ROBO1: variants seen among roughly 807,000 people sequenced by gnomAD.
ROBO1 encodes roundabout guidance receptor 1, also known as roundabout homolog 1.
Under a neutral mutation model 195.9 loss-of-function variants are expected in ROBO1, and 149 were observed. That is an observed-to-expected ratio of 0.76 (90% CI 0.67 to 0.87). The LOEUF (loss-of-function observed/expected upper bound fraction) is 0.87, where lower values mean the gene tolerates loss of function less well. ROBO1 is among the 40% of genes least tolerant of loss of function. The probability of loss-of-function intolerance (pLI) is 0.00; values close to 1 mark genes in which losing one functional copy is unlikely to be tolerated. For missense variants in ROBO1, 1,933 were observed against 2,068.3 expected (o/e 0.93, Z 1.27); for synonymous variants, 816 against 733.2 (o/e 1.11, Z -1.82).
At chr3:78,727,127 G>C (rs2082179875) in intron 5 of ROBO1, among the ~76,000 whole-genome samples, 1 of 151,938 alleles carries the variant, frequency 6.6e-6, no homozygotes, top group Non-Finnish European at 1.5e-5. Flanking sequence ...AACATTGCTA[G>C]TACCATAATT....
At chr3:79,354,141 C>T (rs980964804) in intron 2 of ROBO1, among the ~76,000 whole-genome samples, 1 of 152,138 alleles carries the variant, frequency 6.6e-6, no homozygotes, top group African/African-American at 2.4e-5. Flanking sequence ...ACTGAAACTG[C>T]TGCTACTTCT....
intron 2 of ROBO1, among the ~76,000 whole-genome samples, chr3:79,585,402 C>T (rs1345722459): frequency 6.6e-6 from 1 of 151,930 alleles, no homozygotes; most frequent in Non-Finnish European, 1.5e-5. Flanking sequence ...CTTATTAGTT[C>T]AGTGGCTTTG....
intron 3 of ROBO1, among the ~76,000 whole-genome samples, chr3:79,022,502 A>G (rs1460592149): frequency 6.6e-6 from 1 of 152,194 alleles, no homozygotes; most frequent in Non-Finnish European, 1.5e-5. Context: ...CTGAACTTTA[A>G]ATTACCCAGA....
intron 4 of ROBO1, among the ~76,000 whole-genome samples, chr3:78,929,695 G>A (rs1344012719): frequency 6.6e-6 from 1 of 151,376 alleles, no homozygotes; most frequent in African/African-American, 2.4e-5. Context: ...GTAGAGACAG[G>A]GTTTCACCAT....
intron 4 of ROBO1, among the ~76,000 whole-genome samples, chr3:78,859,951 C>T (rs553981131): frequency 1.3e-5 from 2 of 151,912 alleles, no homozygotes; most frequent in African/African-American, 2.4e-5. Flanking sequence ...TGGTGGCGGA[C>T]GCCTGTGGTC....
intron 2 of ROBO1, among the ~76,000 whole-genome samples, chr3:79,225,185 A>T (rs942754417): frequency 1.1e-4 from 16 of 152,158 alleles, no homozygotes; most frequent in African/African-American, 3.6e-4. Context: ...ATAATAATAA[A>T]AAAAAATCCC....
chr3:79,470,960 T>C (rs1938239538), intron 2 of ROBO1, among the ~76,000 whole-genome samples: 1 of 152,180 alleles, frequency 6.6e-6, no homozygotes, highest in Non-Finnish European at 1.5e-5. Context: ...TGAACAATTA[T>C]AATAAAATGA....
intron 4 of ROBO1, among the ~76,000 whole-genome samples, chr3:78,854,676 G>A (rs892966195): frequency 2.6e-5 from 4 of 151,908 alleles, no homozygotes; most frequent in African/African-American, 9.7e-5. Context: ...ACAAGACTTA[G>A]AAATTCATAG....
At chr3:79,711,814 T>C (rs959682325) in intron 1 of ROBO1, among the ~76,000 whole-genome samples, 1 of 151,782 alleles carries the variant, frequency 6.6e-6, no homozygotes, top group African/African-American at 2.4e-5. Flanking sequence ...TTCCTGTCTG[T>C]CACATTTGGT....
chr3:78,933,436 T>A (rs1321755543), intron 4 of ROBO1, among the ~76,000 whole-genome samples: 1 of 152,124 alleles, frequency 6.6e-6, no homozygotes, highest in East Asian at 1.9e-4. Flanking sequence ...TTTTTTCCCA[T>A]CAAATACAGA....
At chr3:78,848,407 A>G (rs1405167206) in intron 4 of ROBO1, among the ~76,000 whole-genome samples, 1 of 152,190 alleles carries the variant, frequency 6.6e-6, no homozygotes, top group Non-Finnish European at 1.5e-5. Flanking sequence ...TAAGGTAGTG[A>G]ACAAAGGCGT....
chr3:79,421,017 T>A (rs1193301643), intron 2 of ROBO1, among the ~76,000 whole-genome samples: 1 of 152,072 alleles, frequency 6.6e-6, no homozygotes, highest in African/African-American at 2.4e-5. Context: ...AATGTACATA[T>A]ACACCATGGA....
chr3:79,649,980 A>G (rs947533869), intron 1 of ROBO1, among the ~76,000 whole-genome samples: 1 of 152,114 alleles, frequency 6.6e-6, no homozygotes, highest in African/African-American at 2.4e-5. Context: ...GTGAAAAAAA[A>G]TAGATAATTA....
At chr3:78,800,747 A>G (rs556110220) in intron 4 of ROBO1, among the ~76,000 whole-genome samples, 16 of 151,950 alleles carry the variant, frequency 1.1e-4, no homozygotes, top group Admixed American at 7.2e-4. Flanking sequence ...TGTATTTTTA[A>G]TAGAGACGGG....
chr3:79,008,887 C>CTGTGTGTG (rs1559586095), intron 3 of ROBO1, among the ~76,000 whole-genome samples: 18 of 73,574 alleles, frequency 2.4e-4, no homozygotes, highest in African/African-American at 8.0e-4. Context: ...CTGCACCCAG[C>CTGTGTGTG]CGTGTGTGTG....
At chr3:78,884,637 A>AAGAAAGAAAG (rs1469178689) in intron 4 of ROBO1, among the ~76,000 whole-genome samples, 37 of 86,934 alleles carry the variant, frequency 4.3e-4, no homozygotes, top group Middle Eastern at 4.6e-3. Flanking sequence ...AAGAAAGAGA[A>AAGAAAGAAAG]AGAAAGAAAG....
At chr3:79,614,795 G>A (rs1001788672) in intron 1 of ROBO1, among the ~76,000 whole-genome samples, 1 of 144,880 alleles carries the variant, frequency 6.9e-6, no homozygotes, top group Non-Finnish European at 1.5e-5. Flanking sequence ...TGATTTCAAT[G>A]CAATCCCAAT....
At chr3:79,177,949 TCTTA>T (rs1293317772) in intron 2 of ROBO1, among the ~76,000 whole-genome samples, 2 of 152,240 alleles carry the variant, frequency 1.3e-5, no homozygotes, top group African/African-American at 4.8e-5. Context: ...GAAACATTTG[TCTTA>T]CTGTGTACAA....
intron 2 of ROBO1, among the ~76,000 whole-genome samples, chr3:79,188,766 C>T (rs964781060): frequency 6.6e-6 from 1 of 151,658 alleles, no homozygotes; most frequent in South Asian, 2.1e-4. Context: ...TACTGTATTC[C>T]TCAAACCAGC....
Sources: gnomAD v4.1 joint callset for allele counts (sites outside exome capture counted in the v4.1 genomes callset) on GRCh38, gnomAD v4.1.1 for gene constraint, MANE v1.5 for transcripts, NCBI Gene and HGNC (gene_info 2026-07-23, HGNC 2026-07-21) for gene names.